SUCO: variants seen among roughly 807,000 people sequenced by gnomAD.
The protein encoded by SUCO is SUN domain containing ossification factor.
SUCO carries 57 observed loss-of-function variants against 148.1 expected under a neutral mutation model. The observed-to-expected ratio is 0.38, with a 90% CI of 0.31 to 0.48. The LOEUF (loss-of-function observed/expected upper bound fraction) is 0.48, where lower values mean the gene tolerates loss of function less well. SUCO is among the 20% of genes least tolerant of loss of function. The pLI is 0.96. For missense variants in SUCO, 1,331 were observed against 1,468.2 expected (o/e 0.91, Z 1.53); for synonymous variants, 470 against 502.7 (o/e 0.93, Z 0.87).
At chr1:172,551,473 C>G in intron 1 of SUCO, 39 bp from the exon 2 acceptor site, 3 of 1,312,498 alleles carry the variant, frequency 2.3e-6, no homozygotes, top group Non-Finnish European at 3.2e-6. Context: ...CTTTCTCTTT[C>G]TCTTTTTCTG....
chr1:172,585,581 T>C (rs1233025539), intron 16 of SUCO, among the ~76,000 whole-genome samples: 1 of 152,184 alleles, frequency 6.6e-6, no homozygotes, highest in African/African-American at 2.4e-5. Context: ...AACAACTCTT[T>C]CAGTATCTAG....
intron 1 of SUCO, among the ~76,000 whole-genome samples, chr1:172,546,365 A>G (rs1317745635): frequency 6.6e-6 from 1 of 152,206 alleles, no homozygotes; most frequent in Admixed American, 6.5e-5. Context: ...AGGTAAGAAG[A>G]TAACACTGTT....
intron 19 of SUCO, among the ~76,000 whole-genome samples, chr1:172,591,790 T>C (rs1264222260): frequency 6.6e-6 from 1 of 152,146 alleles, no homozygotes; most frequent in African/African-American, 2.4e-5. Flanking sequence ...TTTGGGTATA[T>C]ACCCAGTAAT....
In SUCO at chr1:172,533,404, C is replaced by A. The variant is rs1279486830; in HGVS notation, c.-32C>A. ...AGTGGCGGCTGCCGGGAGGATGTGC[C>A]GCCTTCTGGCAGGGGGAAGAAGGAG... is the stretch of plus-strand genomic sequence containing the variant. On this transcript the variant is annotated 5_prime_UTR_variant, in exon 1 of 24. Coordinates refer to ENST00000263688, the MANE Select transcript of SUCO (RefSeq NM_014283.5). 6.4e-7 allele frequency: 1 copy of A among 1,552,498 alleles called. No homozygotes were observed. Among genetic ancestry groups the A allele is most frequent in the African/African-American group, 1.4e-5 (1 of 73,114 alleles).
At chr1:172,533,000 C>G, upstream of SUCO, 1 of 1,411,888 alleles carries the variant, frequency 7.1e-7, no homozygotes, top group Non-Finnish European at 9.3e-7. Flanking sequence ...GGGGTGCGGG[C>G]GCCGCGGGAC....
chr1:172,540,212 G>C (rs1485863769), intron 1 of SUCO, among the ~76,000 whole-genome samples: 2 of 152,188 alleles, frequency 1.3e-5, no homozygotes, highest in African/African-American at 4.8e-5. Flanking sequence ...CAGGTTCTAA[G>C]CCTGTGTTCT....
At chr1:172,553,439 G>GTTT in intron 3 of SUCO, 69 bp downstream of exon 3, 3 of 1,172,218 alleles carry the variant, frequency 2.6e-6, no homozygotes, top group African/African-American at 1.5e-5. Flanking sequence ...GAAAACCTTT[G>GTTT]GTCACCATAT....
chr1:172,558,727 G>A (rs1339710509), intron 6 of SUCO, among the ~76,000 whole-genome samples: 6 of 152,110 alleles, frequency 3.9e-5, no homozygotes, highest in Non-Finnish European at 5.9e-5. Context: ...ACCAAATCAC[G>A]CATATGTTAA....
intron 21 of SUCO, 196 bp from the exon 22 acceptor site, chr1:172,602,500 A>T (rs773206702): frequency 1.8e-5 from 18 of 982,456 alleles, no homozygotes; most frequent in Non-Finnish European, 2.2e-5. Context: ...AGAAGAGAAT[A>T]CTATTTTAAT....
Position 172,610,207 on chromosome 1 carries a change from A to G in SUCO, c.3713A>G (p.Lys1238Arg). The G allele has an allele frequency of 2.5e-6, 4 of 1,611,628 alleles. No individual in the cohort carries two copies. The highest frequency in any genetic ancestry group is 3.4e-6 in the Non-Finnish European group (4 of 1,179,294). Residue 1238 changes from lysine to arginine, a missense_variant, in exon 24 of 24, where the codon AAA (lysine) becomes AGA (arginine). Transcript: ENST00000263688. ...PSLHDIIKGN[K>R]EITVGTFGVT... ...CTGCATGACATAATCAAAGGAAACAAAGAGATCACCGTGGGAACATTTGGT... is the reference window on the plus strand; with the variant it reads ...CTGCATGACATAATCAAAGGAAACAGAGAGATCACCGTGGGAACATTTGGT...
intron 17 of SUCO, 140 bp from the exon 18 acceptor site, chr1:172,588,620 T>A: frequency 7.8e-7 from 1 of 1,276,046 alleles, no homozygotes; most frequent in Non-Finnish European, 1.0e-6. Flanking sequence ...GTTTTGTAGG[T>A]GAAACATTTA....
intron 15 of SUCO, among the ~76,000 whole-genome samples, chr1:172,580,984 C>G (rs564502711): frequency 7.1e-3 from 1 of 140 alleles, no homozygotes; most frequent in Non-Finnish European, 0.011. Context: ...GCCTATAATC[C>G]CAGCTACTCC....
At chr1:172,585,720 T>C in intron 16 of SUCO, 138 bp from the exon 17 acceptor site, 1 of 619,480 alleles carries the variant, frequency 1.6e-6, no homozygotes. Context: ...AAAAGAACTT[T>C]GATTTTTTAA....
At chr1:172,609,710 CT>C in intron 23 of SUCO, 105 bp from the exon 24 acceptor site, 1 of 1,485,778 alleles carries the variant, frequency 6.7e-7, no homozygotes. Flanking sequence ...TACTGTTTTA[CT>C]TTTCACCAGG....
chr1:172,571,270 G>C (rs996689659), intron 9 of SUCO, among the ~76,000 whole-genome samples: 1 of 152,210 alleles, frequency 6.6e-6, no homozygotes, highest in Non-Finnish European at 1.5e-5. Flanking sequence ...TGTGTTGGCC[G>C]GGCTGGTCTC....
intron 22 of SUCO, among the ~76,000 whole-genome samples, chr1:172,606,571 A>G (rs1443978339): frequency 6.6e-6 from 1 of 151,714 alleles, no homozygotes; most frequent in Non-Finnish European, 1.5e-5. Context: ...TAACTCAACA[A>G]GGTATTTCTT....
At position 172,602,801 on chromosome 1, in the gene SUCO, G is replaced by A; in HGVS notation, c.3265+14G>A. 1 of 1,580,242 alleles carries A rather than the reference G, an allele frequency of 6.3e-7. No homozygotes were observed. On this transcript the variant is annotated intron_variant, in intron 22 of 23. Transcript: ENST00000263688. ...CTGGCAAAGAAGGTAGATTTCTGTG[G>A]ATATATAATATGTATATATAAACAT...
chr1:172,560,330 A>G (rs1654060094), intron 6 of SUCO, among the ~76,000 whole-genome samples: 1 of 152,228 alleles, frequency 6.6e-6, no homozygotes, highest in Non-Finnish European at 1.5e-5. Context: ...ATCTGTAACC[A>G]GGTAGTTTAC....
intron 18 of SUCO, chr1:172,590,490 A>G (rs893348241): frequency 2.9e-6 from 1 of 349,516 alleles, no homozygotes; most frequent in Non-Finnish European, 4.0e-6. Flanking sequence ...TTTTAAACCT[A>G]TTTACTCTTT....
Sources: allele counts gnomAD v4.1 joint callset (sites outside exome capture counted in the v4.1 genomes callset), GRCh38; gene constraint gnomAD v4.1.1; transcripts MANE v1.5; gene names NCBI Gene and HGNC (gene_info 2026-07-23, HGNC 2026-07-21).